PRR16: variants seen among roughly 807,000 people sequenced by gnomAD.
PRR16 encodes the protein proline rich 16.
PRR16 carries 6 observed loss-of-function variants against 18.2 expected under a neutral mutation model. The ratio of observed to expected loss-of-function variants is 0.33; its 90% confidence interval spans 0.18 to 0.65. PRR16 has a LOEUF of 0.65. PRR16 is among the 30% of genes least tolerant of loss of function. The probability of loss-of-function intolerance (pLI) is 0.74; values close to 1 mark genes in which losing one functional copy is unlikely to be tolerated. For synonymous variants in PRR16, 151 were observed against 147.8 expected, an observed-to-expected ratio of 1.02 and a Z score of -0.16; for missense variants, 412 against 376.6, an observed-to-expected ratio of 1.09 and a Z score of -0.78.
chr5:120,588,320 T>C (rs950352257), intron 1 of PRR16, among the ~76,000 whole-genome samples: 2 of 152,158 alleles, frequency 1.3e-5, no homozygotes, highest in Non-Finnish European at 2.9e-5. Flanking sequence ...AATTCTACTG[T>C]GTGTAAAATG....
chr5:120,674,190 C>T (rs925856110), intron 1 of PRR16, among the ~76,000 whole-genome samples: 1 of 151,886 alleles, frequency 6.6e-6, no homozygotes, highest in Admixed American at 6.6e-5. Context: ...TATTTTTTAC[C>T]AATATAGAAA....
chr5:120,756,094 A>G, the PRR16 span, among the ~76,000 whole-genome samples: 1 of 152,108 alleles, frequency 6.6e-6, no homozygotes, highest in African/African-American at 2.4e-5. Flanking sequence ...CTTTATGTAA[A>G]TGTCTGATTG....
chr5:120,700,108 T>C, the PRR16 span, among the ~76,000 whole-genome samples: 1 of 152,000 alleles, frequency 6.6e-6, no homozygotes, highest in East Asian at 1.9e-4. Context: ...TAGAGGCAGG[T>C]ATTGAGGATA....
At chr5:120,563,538 G>A (rs566573849) in intron 1 of PRR16, among the ~76,000 whole-genome samples, 1 of 152,076 alleles carries the variant, frequency 6.6e-6, no homozygotes, top group South Asian at 2.1e-4. Context: ...GCCCATGAAG[G>A]GTTCTTCCAG....
At chr5:120,655,148 C>A (rs1755923353) in intron 1 of PRR16, among the ~76,000 whole-genome samples, 2 of 151,610 alleles carry the variant, frequency 1.3e-5, no homozygotes, top group South Asian at 4.2e-4. Context: ...CAGTCTCCAC[C>A]CATCCCTCTG....
chr5:120,746,689 C>A, the PRR16 span, among the ~76,000 whole-genome samples: 2 of 152,004 alleles, frequency 1.3e-5, no homozygotes, highest in Non-Finnish European at 2.9e-5. Flanking sequence ...GGGTGCCACT[C>A]TGACAGTGGT....
At chr5:120,772,997 T>C in the PRR16 span, among the ~76,000 whole-genome samples, 2 of 152,120 alleles carry the variant, frequency 1.3e-5, no homozygotes, top group Admixed American at 6.6e-5. Flanking sequence ...GGAAGAACAA[T>C]AGTCTTGAGG....
chr5:120,674,693 A>C (rs1258037890), intron 1 of PRR16, among the ~76,000 whole-genome samples: 4 of 151,906 alleles, frequency 2.6e-5, no homozygotes, highest in Non-Finnish European at 4.4e-5. Flanking sequence ...TTATTCTTCC[A>C]TTATTTATTT....
chr5:120,684,955 G>C (rs1757076523), intron 1 of PRR16, among the ~76,000 whole-genome samples: 1 of 152,140 alleles, frequency 6.6e-6, no homozygotes, highest in Non-Finnish European at 1.5e-5. Context: ...AGTAGCCCTT[G>C]ACTGGTGTGA....
At chr5:120,708,495 C>A in the PRR16 span, among the ~76,000 whole-genome samples, 2 of 152,106 alleles carry the variant, frequency 1.3e-5, no homozygotes, top group African/African-American at 2.4e-5. Flanking sequence ...GCATGAAATT[C>A]TCTCAAAACA....
intron 1 of PRR16, among the ~76,000 whole-genome samples, chr5:120,563,094 G>A (rs559710445): frequency 6.6e-6 from 1 of 152,070 alleles, no homozygotes; most frequent in African/African-American, 2.4e-5. Context: ...CCTTTTGTTT[G>A]TCTGGGAAGG....
the PRR16 span, among the ~76,000 whole-genome samples, chr5:120,774,659 C>A: frequency 1.3e-5 from 2 of 151,822 alleles, no homozygotes; most frequent in African/African-American, 4.8e-5. Context: ...GGAGAAATTC[C>A]CTATTAGTAC....
At chr5:120,708,243 T>C in the PRR16 span, among the ~76,000 whole-genome samples, 1 of 152,202 alleles carries the variant, frequency 6.6e-6, no homozygotes, top group East Asian at 1.9e-4. Flanking sequence ...GTAGTCAGTG[T>C]TGTTCATTAC....
chr5:120,548,291 A>G (rs779778675), intron 1 of PRR16, among the ~76,000 whole-genome samples: 2 of 152,004 alleles, frequency 1.3e-5, no homozygotes, highest in Non-Finnish European at 2.9e-5. Context: ...TGCAGACATT[A>G]TTTTTTGGAG....
At chr5:120,755,460 G>C in the PRR16 span, among the ~76,000 whole-genome samples, 1 of 151,914 alleles carries the variant, frequency 6.6e-6, no homozygotes, top group Admixed American at 6.6e-5. Context: ...GTTTAGCTCC[G>C]AATTATGTGA....
intron 1 of PRR16, among the ~76,000 whole-genome samples, chr5:120,525,069 G>C (rs1372839120): frequency 6.6e-6 from 1 of 151,980 alleles, no homozygotes; most frequent in Non-Finnish European, 1.5e-5. Flanking sequence ...ATAACCTCTA[G>C]AAGGCAACTT....
chr5:120,528,629 T>G (rs1032015068), intron 1 of PRR16, among the ~76,000 whole-genome samples: 5 of 152,074 alleles, frequency 3.3e-5, no homozygotes, highest in Non-Finnish European at 7.4e-5. Flanking sequence ...TGGGGAAGGA[T>G]GGGGGACCTC....
At chr5:120,508,940 A>T (rs1750732908) in intron 1 of PRR16, among the ~76,000 whole-genome samples, 1 of 152,062 alleles carries the variant, frequency 6.6e-6, no homozygotes, top group Admixed American at 6.6e-5. Context: ...TTTGTATATA[A>T]CCTGTAACTT....
rs1580614670 is a variant in PRR16, at chr5:120,474,096, G to C, written c.159+9451G>C. On this transcript the variant is annotated intron_variant, in intron 1 of 1. Coordinates refer to ENST00000407149, the MANE Select transcript of PRR16 (RefSeq NM_001300783.2). ...AGGGTGGCAGGAGTGGACGAGCAGG[G>C]CAAGAGTAGCAGTGATAAGGTCAGA... Among the ~76,000 whole-genome samples the C allele has an allele frequency of 4.6e-5, 7 of 152,274 alleles. 1 individual carries two copies. The highest frequency in any genetic ancestry group is 4.6e-4 in the Admixed American group (7 of 15,300).
Sources: allele counts gnomAD v4.1 joint callset (sites outside exome capture counted in the v4.1 genomes callset), GRCh38; gene constraint gnomAD v4.1.1; transcripts MANE v1.5; gene names NCBI Gene and HGNC (gene_info 2026-07-23, HGNC 2026-07-21).